The following ASIC2 variants were observed in gnomAD, a reference collection of about 807,000 sequenced individuals.
ASIC2 encodes acid-sensing ion channel 2.
ASIC2 carries 25 observed loss-of-function variants against 57.3 expected under a neutral mutation model. That is an observed-to-expected ratio of 0.44 (90% confidence interval 0.32 to 0.61). ASIC2 has a LOEUF of 0.61. Ranked by LOEUF, ASIC2 falls within the 20% of genes least tolerant of loss-of-function variation. ASIC2 has a pLI of 0.06. For missense variants in ASIC2, 641 were observed against 738.1 expected (o/e 0.87, Z 1.52); for synonymous variants, 319 against 307.5 (o/e 1.04, Z -0.39).
intron 1 of ASIC2, among the ~76,000 whole-genome samples, chr17:34,015,088 T>TC (rs1369426481): frequency 3.3e-4 from 49 of 149,706 alleles, no homozygotes; most frequent in African/African-American, 1.2e-3. Context: ...TTTTTTTTTT[T>TC]TGTAGATACG....
chr17:33,090,810 G>A (rs1358345328), intron 2 of ASIC2, among the ~76,000 whole-genome samples: 2 of 152,310 alleles, frequency 1.3e-5, no homozygotes, highest in Admixed American at 6.5e-5. Flanking sequence ...CAGGGGCTAC[G>A]TGGAAAGAAA....
chr17:33,449,192 A>T (rs538880978), intron 1 of ASIC2, among the ~76,000 whole-genome samples: 1 of 152,294 alleles, frequency 6.6e-6, no homozygotes, highest in East Asian at 1.9e-4. Flanking sequence ...ATCTATGTCT[A>T]AGCCCCAGTG....
intron 1 of ASIC2, among the ~76,000 whole-genome samples, chr17:33,124,261 CA>C (rs1358374005): frequency 1.3e-5 from 2 of 152,208 alleles, no homozygotes; most frequent in Non-Finnish European, 2.9e-5. Flanking sequence ...GCAAAGCTTA[CA>C]TTATGAGTGT....
chr17:33,747,739 G>A (rs1164879248), intron 1 of ASIC2, among the ~76,000 whole-genome samples: 1 of 152,086 alleles, frequency 6.6e-6, no homozygotes, highest in Non-Finnish European at 1.5e-5. Flanking sequence ...CTTCTCCAAG[G>A]CTACAGGCCA....
At chr17:33,643,244 A>T (rs1906639357) in intron 1 of ASIC2, among the ~76,000 whole-genome samples, 1 of 151,232 alleles carries the variant, frequency 6.6e-6, no homozygotes, top group Admixed American at 6.6e-5. Flanking sequence ...TTTCTGGGTG[A>T]TACATAAAAT....
At position 33,827,506 on chromosome 17, in the gene ASIC2, CT is replaced by C. The variant is rs56359208; in HGVS notation, c.555+328471del. 2.2e-4 allele frequency among the ~76,000 whole-genome samples: 31 copies of C among 138,522 alleles called. 1 individual carries two copies. The highest frequency in any genetic ancestry group is 9.4e-4 in the South Asian group (4 of 4,278). The allele number at this position is 138,522 out of a possible 152,430, so 90.9% of individuals were successfully genotyped here. ...GCCACCATGCCTGGCTATTTTTTGT[CT>C]TTTTTTTTTTGTATTTTTAGTAAAG... On this transcript the variant is annotated intron_variant, in intron 1 of 9. Transcript: ENST00000359872.
At chr17:33,965,725 A>G (rs1905056388) in intron 1 of ASIC2, among the ~76,000 whole-genome samples, 1 of 152,214 alleles carries the variant, frequency 6.6e-6, no homozygotes, top group East Asian at 1.9e-4. Context: ...GCCTGGATCA[A>G]TTCCCAGGCA....
At chr17:33,122,581 T>C (rs750537158) in intron 1 of ASIC2, among the ~76,000 whole-genome samples, 35 of 152,210 alleles carry the variant, frequency 2.3e-4, no homozygotes, top group Non-Finnish European at 4.6e-4. Context: ...TTTCAATACA[T>C]GTATACATTG....
chr17:33,891,361 C>T lies in ASIC2; in HGVS notation c.555+264617G>A, dbSNP rs182791089. Among the ~76,000 whole-genome samples, 9 of 152,180 alleles carry T rather than the reference C, an allele frequency of 5.9e-5. No homozygotes were observed. The East Asian group carries it at 1.7e-3, about 29-fold the overall frequency. ...GGCCAGATCATTCAAAAGAAGCAAG[C>T]TTAGATAGCATGGTCTGTCTGCTTG... is the stretch of plus-strand genomic sequence containing the variant. On this transcript the variant is annotated intron_variant, in intron 1 of 9. Transcript: ENST00000359872.
At chr17:33,492,068 G>A (rs1160287344) in intron 1 of ASIC2, among the ~76,000 whole-genome samples, 5 of 152,072 alleles carry the variant, frequency 3.3e-5, no homozygotes, top group African/African-American at 9.7e-5. Context: ...ACCACTTTGC[G>A]TTTGCCATTA....
At chr17:33,551,531 G>A (rs1915752732) in intron 1 of ASIC2, among the ~76,000 whole-genome samples, 1 of 152,142 alleles carries the variant, frequency 6.6e-6, no homozygotes, top group Non-Finnish European at 1.5e-5. Flanking sequence ...TGGCCACTAA[G>A]AATATCTTCT....
intron 1 of ASIC2, among the ~76,000 whole-genome samples, chr17:33,145,625 T>C (rs1248840753): frequency 6.6e-6 from 1 of 152,260 alleles, no homozygotes; most frequent in African/African-American, 2.4e-5. Flanking sequence ...TCCGTATTTC[T>C]GACAATACGT....
At chr17:33,842,679 A>G (rs73288615) in intron 1 of ASIC2, among the ~76,000 whole-genome samples, 3,045 of 152,308 alleles carry the variant, frequency 0.02, 89 homozygotes, top group African/African-American at 0.069. Flanking sequence ...TCATACAAAC[A>G]GTGACTTCAG....
intron 1 of ASIC2, among the ~76,000 whole-genome samples, chr17:33,375,005 C>T (rs1472105631): frequency 6.6e-6 from 1 of 152,022 alleles, no homozygotes; most frequent in Non-Finnish European, 1.5e-5. Flanking sequence ...TCTACTGAGC[C>T]CAAGAATCTA....
intron 1 of ASIC2, among the ~76,000 whole-genome samples, chr17:33,894,362 T>C (rs112666857): frequency 8.0e-3 from 429 of 53,772 alleles, no homozygotes; most frequent in African/African-American, 0.034. Context: ...TGTGTGTGTG[T>C]GTGTGTGTGT....
At chr17:33,016,796 C>A (rs1438114669) in intron 8 of ASIC2, among the ~76,000 whole-genome samples, 1 of 152,018 alleles carries the variant, frequency 6.6e-6, no homozygotes, top group Non-Finnish European at 1.5e-5. Flanking sequence ...TAGGTCCAGG[C>A]ATTCTTTGGA....
At chr17:33,616,394 A>G (rs1421155191) in intron 1 of ASIC2, among the ~76,000 whole-genome samples, 1 of 152,234 alleles carries the variant, frequency 6.6e-6, no homozygotes, top group Non-Finnish European at 1.5e-5. Flanking sequence ...GCATTCGTGA[A>G]GCCATAGTTT....
chr17:33,436,745 G>A (rs1268115904), intron 1 of ASIC2, among the ~76,000 whole-genome samples: 1 of 150,740 alleles, frequency 6.6e-6, no homozygotes, highest in Non-Finnish European at 1.5e-5. Context: ...CAGTGACTTG[G>A]TTATTTTCTG....
At chr17:34,144,375 G>T (rs1353636495) in intron 1 of ASIC2, among the ~76,000 whole-genome samples, 1 of 152,154 alleles carries the variant, frequency 6.6e-6, no homozygotes. Flanking sequence ...CAGGAGCTGG[G>T]TCCCTGGCTT....
Sources: allele counts gnomAD v4.1 joint callset (sites outside exome capture counted in the v4.1 genomes callset), GRCh38; gene constraint gnomAD v4.1.1; transcripts MANE v1.5; gene names NCBI Gene and HGNC (gene_info 2026-07-23, HGNC 2026-07-21).